The following RBFOX3 variants were observed in gnomAD, a reference collection of about 807,000 sequenced individuals.
The protein encoded by RBFOX3 is RNA binding fox-1 homolog 3.
In RBFOX3, 17 loss-of-function variants were observed where a neutral mutation model predicts 48.7. The observed-to-expected ratio is 0.35, with a 90% CI of 0.24 to 0.52. The LOEUF is 0.52. Ranked by LOEUF, RBFOX3 falls within the 20% of genes least tolerant of loss-of-function variation. The probability of loss-of-function intolerance (pLI) is 0.94; values close to 1 mark genes in which losing one functional copy is unlikely to be tolerated. For missense variants in RBFOX3, 382 were observed against 497.5 expected, an observed-to-expected ratio of 0.77 and a Z score of 2.21; for synonymous variants, 212 against 209.5, an observed-to-expected ratio of 1.01 and a Z score of -0.10.
intron 4 of RBFOX3, among the ~76,000 whole-genome samples, chr17:79,138,148 G>C (rs2040701286): frequency 6.6e-6 from 1 of 152,100 alleles, no homozygotes; most frequent in Admixed American, 6.5e-5. Context: ...AGGGGCGTGT[G>C]TCACCGAGCC....
intron 1 of RBFOX3, among the ~76,000 whole-genome samples, chr17:79,530,816 G>A (rs2087632522): frequency 6.6e-6 from 1 of 152,250 alleles, no homozygotes; most frequent in Non-Finnish European, 1.5e-5. Context: ...AGCTTCCAGA[G>A]CAGCTACTCC....
At chr17:79,182,434 G>A (rs1472907982) in intron 4 of RBFOX3, among the ~76,000 whole-genome samples, 1 of 152,184 alleles carries the variant, frequency 6.6e-6, no homozygotes, top group African/African-American at 2.4e-5. Flanking sequence ...CAGAGGCCGA[G>A]GGGCCTGGGG....
intron 1 of RBFOX3, among the ~76,000 whole-genome samples, chr17:79,536,036 C>G (rs1320776875): frequency 1.3e-5 from 2 of 152,192 alleles, no homozygotes; most frequent in Non-Finnish European, 2.9e-5. Flanking sequence ...TAGATTTAAG[C>G]TGGTCTCACA....
chr17:79,350,832 G>C (rs745358262), intron 2 of RBFOX3, among the ~76,000 whole-genome samples: 4 of 152,220 alleles, frequency 2.6e-5, no homozygotes, highest in Non-Finnish European at 5.9e-5. Flanking sequence ...GTCTCTCTGA[G>C]CTCAGGCGCC....
chr17:79,589,557 T>C (rs1268280440), intron 1 of RBFOX3, among the ~76,000 whole-genome samples: 1 of 152,186 alleles, frequency 6.6e-6, no homozygotes, highest in Non-Finnish European at 1.5e-5. Context: ...AGGACATGAT[T>C]CAGCCCGAAT....
At chr17:79,594,829 C>T (rs928681068) in intron 1 of RBFOX3, among the ~76,000 whole-genome samples, 19 of 152,122 alleles carry the variant, frequency 1.2e-4, no homozygotes, top group Non-Finnish European at 2.2e-4. Context: ...AGGAAGCACC[C>T]ACTCAGCGCT....
rs181216311 is a variant in RBFOX3 at position 79,204,076 on chromosome 17, A to G, written c.-34+31690T>C. Among the ~76,000 whole-genome samples, 10 of 152,318 alleles carry G rather than the reference A, an allele frequency of 6.6e-5. No homozygotes were observed. The East Asian group carries it at 1.9e-3, about 29-fold the overall frequency. On this transcript the variant is annotated intron_variant, in intron 4 of 14. Transcript: ENST00000693108. The surrounding 1 kb of genome is among the most constrained non-coding windows in gnomAD (Gnocchi z 4.5). ...GACTTTTCTCACCTGGAGAACCAGCAAAGACCTCAACTGAGAAATTTTCTC... is the reference window on the plus strand; with the variant it reads ...GACTTTTCTCACCTGGAGAACCAGCGAAGACCTCAACTGAGAAATTTTCTC...
At chr17:79,282,690 A>G (rs899948001) in intron 3 of RBFOX3, among the ~76,000 whole-genome samples, 1 of 152,240 alleles carries the variant, frequency 6.6e-6, no homozygotes, top group African/African-American at 2.4e-5. Flanking sequence ...TCTGCCACGC[A>G]TCCGCCTGGA....
intron 2 of RBFOX3, among the ~76,000 whole-genome samples, chr17:79,427,816 ACAC>A (rs1456917636): frequency 3.7e-4 from 57 of 152,388 alleles, no homozygotes; most frequent in African/African-American, 1.4e-3. Context: ...ACAGGCGTGC[ACAC>A]ATGAACATAC....
rs188586876 is a variant in RBFOX3 at position 79,161,499 on chromosome 17, C to T, written c.-33-45751G>A. Among the ~76,000 whole-genome samples the T allele has an allele frequency of 1.1e-3, 160 of 152,300 alleles. 1 individual carries two copies. Among genetic ancestry groups the T allele is most frequent in the African/African-American group, 3.7e-3 (154 of 41,566 alleles). The stretch of plus-strand genomic sequence containing the variant: ...GCGTCTTCCTGCAACTTAACCCCCT[C>T]GGGGGTGTGTGGAGGCCCGGAAGCT... On this transcript the variant is annotated intron_variant, in intron 4 of 14. Coordinates refer to ENST00000693108, the MANE Select transcript of RBFOX3 (RefSeq NM_001350451.2).
chr17:79,218,706 C>T (rs1176305994), intron 4 of RBFOX3, among the ~76,000 whole-genome samples: 3 of 152,160 alleles, frequency 2.0e-5, no homozygotes, highest in African/African-American at 4.8e-5. Flanking sequence ...ATTCTGCCTG[C>T]AGGCTCAGGG....
At position 79,554,026 on chromosome 17, in the gene RBFOX3, G is replaced by A. The variant is rs986929170; in HGVS notation, c.-320+56800C>T. Among the ~76,000 whole-genome samples the A allele has an allele frequency of 1.4e-3, 214 of 152,300 alleles. 2 individuals carry two copies. The highest frequency in any genetic ancestry group is 5.1e-3 in the African/African-American group (211 of 41,554). On this transcript the variant is annotated intron_variant, in intron 1 of 14. Transcript: ENST00000693108. ...TGGGATTACAGGCGTGAGCCACTGT[G>A]CCTGGCTGCTTTCTTGACTTCTAAC... is the stretch of plus-strand genomic sequence containing the variant.
chr17:79,642,620 G>A, the RBFOX3 span, among the ~76,000 whole-genome samples: 1 of 151,596 alleles, frequency 6.6e-6, no homozygotes, highest in East Asian at 1.9e-4. Context: ...TTATTATAGG[G>A]AAAAAAAGTA....
intron 2 of RBFOX3, among the ~76,000 whole-genome samples, chr17:79,436,942 G>A (rs1555731467): frequency 6.6e-6 from 1 of 152,178 alleles, no homozygotes; most frequent in Non-Finnish European, 1.5e-5. Flanking sequence ...CAGGAGGAGG[G>A]GTGCTGTGGC....
intron 4 of RBFOX3, among the ~76,000 whole-genome samples, chr17:79,175,886 G>C (rs1340510817): frequency 6.6e-6 from 1 of 152,238 alleles, no homozygotes; most frequent in African/African-American, 2.4e-5. Context: ...AGACGCCCCG[G>C]CTGGAAGGGC....
chr17:79,250,227 C>A (rs1231737407), intron 3 of RBFOX3, among the ~76,000 whole-genome samples: 1 of 152,164 alleles, frequency 6.6e-6, no homozygotes, highest in Non-Finnish European at 1.5e-5. Flanking sequence ...TCTATCACAC[C>A]CATGTCCCGG....
intron 2 of RBFOX3, among the ~76,000 whole-genome samples, chr17:79,476,468 A>G (rs1412484506): frequency 6.6e-6 from 1 of 152,262 alleles, no homozygotes; most frequent in African/African-American, 2.4e-5. Flanking sequence ...AGCCAAAAGC[A>G]GATGGGACAA....
chr17:79,452,209 G>A (rs993771470), intron 2 of RBFOX3, among the ~76,000 whole-genome samples: 2 of 152,194 alleles, frequency 1.3e-5, no homozygotes, highest in Non-Finnish European at 2.9e-5. Flanking sequence ...GGAAGGCGGA[G>A]GTGAGAGTGT....
At chr17:79,197,399 T>TTG (rs2055847657) in intron 4 of RBFOX3, among the ~76,000 whole-genome samples, 1 of 148,654 alleles carries the variant, frequency 6.7e-6, no homozygotes, top group Non-Finnish European at 1.5e-5. Context: ...TTTTTTTTTT[T>TTG]TTTTTTTGAG....
Sources: gnomAD v4.1 joint callset for allele counts (sites outside exome capture counted in the v4.1 genomes callset) on GRCh38, gnomAD v4.1.1 for gene constraint, Gnocchi (gnomAD v3.1) non-coding constraint, MANE v1.5 for transcripts, NCBI Gene and HGNC (gene_info 2026-07-23, HGNC 2026-07-21) for gene names.